NDUFA5: variants seen among roughly 807,000 people sequenced by gnomAD.
NDUFA5 encodes NADH:ubiquinone oxidoreductase subunit A5.
In NDUFA5, 11 loss-of-function variants were observed where a neutral mutation model predicts 19.8. The ratio of observed to expected loss-of-function variants is 0.56; its 90% CI spans 0.35 to 0.92. NDUFA5 has a LOEUF of 0.92. NDUFA5 is among the 40% of genes least tolerant of loss of function. The pLI is 0.01. For missense variants in NDUFA5, 109 were observed against 134.2 expected, an observed-to-expected ratio of 0.81 and a Z score of 0.93; for synonymous variants, 47 against 46.8, an observed-to-expected ratio of 1.00 and a Z score of -0.01.
At chr7:123,592,416 G>C in the NDUFA5 span, among the ~76,000 whole-genome samples, 1 of 152,118 alleles carries the variant, frequency 6.6e-6, no homozygotes, top group Non-Finnish European at 1.5e-5. Context: ...TCTCTTGTGG[G>C]CATTTAGTGC....
chr7:123,568,498 A>G, the NDUFA5 span, among the ~76,000 whole-genome samples: 5 of 151,766 alleles, frequency 3.3e-5, no homozygotes, highest in Non-Finnish European at 5.9e-5. Flanking sequence ...TCCAGCCTGA[A>G]CAACAAGAGC....
the NDUFA5 span, among the ~76,000 whole-genome samples, chr7:123,578,939 C>T: frequency 6.6e-6 from 1 of 151,990 alleles, no homozygotes; most frequent in African/African-American, 2.4e-5. Context: ...TCGGGTGGTA[C>T]ATATGCAGGT....
the NDUFA5 span, among the ~76,000 whole-genome samples, chr7:123,581,144 G>A: frequency 6.6e-6 from 1 of 151,830 alleles, no homozygotes; most frequent in African/African-American, 2.4e-5. Flanking sequence ...GCTCTTTGCG[G>A]AGGAGGAGGT....
At chr7:123,552,633 A>G (rs2116160382) in intron 2 of NDUFA5, among the ~76,000 whole-genome samples, 1 of 145,854 alleles carries the variant, frequency 6.9e-6, no homozygotes, top group Admixed American at 6.8e-5. Context: ...CTTAAAGTAT[A>G]ACTAAAAAAA....
chr7:123,588,996 C>T, the NDUFA5 span, among the ~76,000 whole-genome samples: 3 of 151,620 alleles, frequency 2.0e-5, no homozygotes, highest in African/African-American at 7.3e-5. Context: ...ATGATCTATC[C>T]TGGAGAATAT....
chr7:123,590,821 T>C, the NDUFA5 span, among the ~76,000 whole-genome samples: 1 of 152,178 alleles, frequency 6.6e-6, no homozygotes, highest in Non-Finnish European at 1.5e-5. Context: ...AGTAGTTTTT[T>C]CCAATTCTGT....
the NDUFA5 span, among the ~76,000 whole-genome samples, chr7:123,571,321 A>T: frequency 6.6e-6 from 1 of 152,172 alleles, no homozygotes; most frequent in African/African-American, 2.4e-5. Flanking sequence ...TTTTAATTGC[A>T]TTTAATTATT....
chr7:123,565,202 G>C, the NDUFA5 span, among the ~76,000 whole-genome samples: 2 of 152,134 alleles, frequency 1.3e-5, no homozygotes, highest in African/African-American at 4.8e-5. Flanking sequence ...CTCAAACAGG[G>C]AGAGTGAATT....
the NDUFA5 span, among the ~76,000 whole-genome samples, chr7:123,569,402 C>CA: frequency 4.8e-4 from 73 of 151,168 alleles, no homozygotes; most frequent in African/African-American, 1.6e-3. Flanking sequence ...AGCTAGGGCC[C>CA]AAAAAAAAGG....
chr7:123,552,179 T>TA (rs34744524), intron 2 of NDUFA5, among the ~76,000 whole-genome samples: 23,519 of 144,282 alleles, frequency 0.16, 2,002 homozygotes, highest in South Asian at 0.23. Flanking sequence ...TTTTTTCAAT[T>TA]AAAAAAAAAA....
intron 3 of NDUFA5, among the ~76,000 whole-genome samples, chr7:123,548,330 G>A (rs1374583312): frequency 6.6e-6 from 1 of 152,164 alleles, no homozygotes; most frequent in Non-Finnish European, 1.5e-5. Context: ...TACCATGCTA[G>A]AGTCTAAGGA....
At position 123,550,492 on chromosome 7, in the gene NDUFA5, T is replaced by C. The variant is rs1798294040; in HGVS notation, c.161A>G (p.Glu54Gly). Residue 54 changes from glutamate to glycine, a missense_variant, in exon 3 of 5, where the codon GAG (glutamate) becomes GGG (glycine). Transcript: ENST00000355749. ...YRKYTEQITN[E>G]KLAMVKAEPD... ...TACCGCTTTAACCATAGCCAGCTTC[T>C]CATTTGTAATCTGTTCTGTATACTT... 1.9e-6 allele frequency: 3 copies of C among 1,606,186 alleles called. No individual in the cohort carries two copies. The highest frequency in any genetic ancestry group is 2.7e-5 in the African/African-American group (2 of 74,648).
At chr7:123,555,736 C>T (rs1404903) in intron 2 of NDUFA5, 43,203 of 152,062 alleles carry the variant, frequency 0.28, 6,267 homozygotes, top group East Asian at 0.32. Context: ...AATTACAAAT[C>T]CCTGCCTTCA....
chr7:123,573,500 A>C, the NDUFA5 span, among the ~76,000 whole-genome samples: 1 of 152,026 alleles, frequency 6.6e-6, no homozygotes, highest in Non-Finnish European at 1.5e-5. Context: ...TCAAGCAAAG[A>C]AGCAGCTCGG....
At chr7:123,563,096 T>C in the NDUFA5 span, among the ~76,000 whole-genome samples, 1 of 152,142 alleles carries the variant, frequency 6.6e-6, no homozygotes. Flanking sequence ...CCACCGCGCC[T>C]GGCCTGTTTT....
intron 4 of NDUFA5, among the ~76,000 whole-genome samples, chr7:123,542,671 T>C (rs1797982736): frequency 6.6e-6 from 1 of 152,202 alleles, no homozygotes; most frequent in African/African-American, 2.4e-5. Flanking sequence ...ATATTCTTTT[T>C]TCTATTGTGT....
At chr7:123,570,570 C>A in the NDUFA5 span, among the ~76,000 whole-genome samples, 19,112 of 152,192 alleles carry the variant, frequency 0.13, 1,364 homozygotes, top group Admixed American at 0.19. Context: ...GACGTCCTCA[C>A]TCACTCTAGC....
At chr7:123,600,175 A>G in the NDUFA5 span, among the ~76,000 whole-genome samples, 1 of 152,156 alleles carries the variant, frequency 6.6e-6, no homozygotes, top group African/African-American at 2.4e-5. Context: ...TAATCTCAAA[A>G]ATGTAAATAA....
At chr7:123,569,681 C>T in the NDUFA5 span, among the ~76,000 whole-genome samples, 27 of 152,258 alleles carry the variant, frequency 1.8e-4, no homozygotes, top group African/African-American at 6.5e-4. Flanking sequence ...GATGAACCCA[C>T]AGTAGCACAA....
Sources: allele counts gnomAD v4.1 joint callset (sites outside exome capture counted in the v4.1 genomes callset), GRCh38; gene constraint gnomAD v4.1.1; transcripts MANE v1.5; gene names NCBI Gene and HGNC (gene_info 2026-07-23, HGNC 2026-07-21).